The following ASCC1 variants were observed in gnomAD, a reference collection of about 807,000 sequenced individuals.
The protein encoded by ASCC1 is activating signal cointegrator 1 complex subunit 1, also known as ASC-1 complex subunit P50.
In ASCC1, 35 loss-of-function variants were observed where a neutral mutation model predicts 46.6. The ratio of observed to expected loss-of-function variants is 0.75; its 90% CI spans 0.57 to 0.99. ASCC1 has a LOEUF of 0.99. ASCC1 is among the 50% of genes least tolerant of loss of function. The pLI, the probability that ASCC1 is intolerant of heterozygous loss-of-function variation, is 0.00. For missense variants in ASCC1, 376 were observed against 428.7 expected (o/e 0.88, Z 1.09); for synonymous variants, 143 against 146.6 (o/e 0.98, Z 0.18).
rs181606229 is a variant in ASCC1 at position 72,159,987 on chromosome 10, C to A, written c.626+1551G>T. 8.7e-3 allele frequency among the ~76,000 whole-genome samples: 1,311 copies of A among 150,786 alleles called. 16 individuals are homozygous for A. Among genetic ancestry groups the A allele is most frequent in the African/African-American group, 0.03 (1,243 of 40,882 alleles). On this transcript the variant is annotated intron_variant, in intron 6 of 9. Transcript: ENST00000672957. The stretch of plus-strand genomic sequence containing the variant: ...TGGCGCAATCTCGGCTCACTGCAAG[C>A]TCCGCCTCCCGGGTTCACGCCATTC...
intron 5 of ASCC1, among the ~76,000 whole-genome samples, chr10:72,184,847 G>T (rs947810972): frequency 2.0e-5 from 3 of 149,194 alleles, no homozygotes; most frequent in African/African-American, 7.4e-5. Context: ...TTTTAAATAA[G>T]CAATATCACG....
chr10:72,195,628 C>T (rs1422579462), intron 5 of ASCC1, among the ~76,000 whole-genome samples: 3 of 148,618 alleles, frequency 2.0e-5, no homozygotes, highest in Admixed American at 6.7e-5. Flanking sequence ...GTCAGGAGTT[C>T]GAGACTGACC....
intron 5 of ASCC1, among the ~76,000 whole-genome samples, chr10:72,181,170 T>C (rs1246541687): frequency 6.6e-6 from 1 of 152,170 alleles, no homozygotes; most frequent in Non-Finnish European, 1.5e-5. Flanking sequence ...TTTACCACGT[T>C]GGCCAGGATG....
At chr10:72,109,863 A>C (rs968403851) in intron 9 of ASCC1, among the ~76,000 whole-genome samples, 9 of 152,198 alleles carry the variant, frequency 5.9e-5, no homozygotes, top group African/African-American at 2.2e-4. Flanking sequence ...ACCCACACCT[A>C]ATCTCCGCCT....
intron 5 of ASCC1, among the ~76,000 whole-genome samples, chr10:72,188,050 CTT>C (rs1430885547): frequency 6.6e-6 from 1 of 150,648 alleles, no homozygotes; most frequent in Admixed American, 6.6e-5. Context: ...ACATAGCCCT[CTT>C]CATAAATAAG....
chr10:72,120,090 T>C (rs1336187520), intron 9 of ASCC1, among the ~76,000 whole-genome samples: 1 of 151,994 alleles, frequency 6.6e-6, no homozygotes, highest in African/African-American at 2.4e-5. Context: ...TAGCCAGATA[T>C]GATGGCGGGT....
intron 5 of ASCC1, chr10:72,190,684 A>C: frequency 1.5e-6 from 1 of 652,224 alleles, no homozygotes; most frequent in Non-Finnish European, 2.6e-6. Context: ...TATTTAATGA[A>C]TGCTTTGTCA....
chr10:72,107,953 C>T (rs1048228516), intron 9 of ASCC1, among the ~76,000 whole-genome samples: 1 of 152,024 alleles, frequency 6.6e-6, no homozygotes, highest in Non-Finnish European at 1.5e-5. Flanking sequence ...AGATCCCTTC[C>T]CTTTTAACTG....
chr10:72,176,825 A>T (rs1277368616), intron 5 of ASCC1, among the ~76,000 whole-genome samples: 1 of 151,952 alleles, frequency 6.6e-6, no homozygotes, highest in East Asian at 1.9e-4. Flanking sequence ...CTCACAAGTG[A>T]CATTTCCTCT....
chr10:72,118,292 G>A (rs916715521), intron 9 of ASCC1, among the ~76,000 whole-genome samples: 3 of 151,638 alleles, frequency 2.0e-5, no homozygotes, highest in Non-Finnish European at 4.4e-5. Context: ...GCGTGAACCC[G>A]GGAGGCAGAG....
chr10:72,123,772 G>A (rs1844512786), intron 9 of ASCC1, among the ~76,000 whole-genome samples: 1 of 152,116 alleles, frequency 6.6e-6, no homozygotes, highest in South Asian at 2.1e-4. Context: ...GAAGTTAATT[G>A]TGCTTTCGTT....
intron 5 of ASCC1, among the ~76,000 whole-genome samples, chr10:72,190,974 C>T (rs1425659418): frequency 8.4e-5 from 10 of 118,680 alleles, no homozygotes; most frequent in African/African-American, 1.8e-4. Flanking sequence ...CCAGCCTTGG[C>T]GACAGAGCGA....
At chr10:72,178,101 C>A (rs1432571013) in intron 5 of ASCC1, among the ~76,000 whole-genome samples, 1 of 152,130 alleles carries the variant, frequency 6.6e-6, no homozygotes, top group Non-Finnish European at 1.5e-5. Context: ...AAGAGGCTGA[C>A]TGTTTTAAAG....
intron 6 of ASCC1, among the ~76,000 whole-genome samples, chr10:72,155,903 T>C (rs972942101): frequency 1.3e-5 from 2 of 152,228 alleles, no homozygotes; most frequent in East Asian, 1.9e-4. Context: ...CCATGACTTA[T>C]ACAAAATGGG....
At chr10:72,130,464 C>G (rs1322312993) in intron 8 of ASCC1, among the ~76,000 whole-genome samples, 1 of 152,164 alleles carries the variant, frequency 6.6e-6, no homozygotes, top group Non-Finnish European at 1.5e-5. Flanking sequence ...ACACAACACT[C>G]TCTTATATAA....
chr10:72,193,766 G>C (rs1489077913), intron 5 of ASCC1, among the ~76,000 whole-genome samples: 1 of 151,672 alleles, frequency 6.6e-6, no homozygotes, highest in Non-Finnish European at 1.5e-5. Context: ...AAAAGTTAAA[G>C]TCTTACCTCT....
intron 5 of ASCC1, among the ~76,000 whole-genome samples, chr10:72,189,362 C>T (rs1338935705): frequency 1.3e-5 from 2 of 151,418 alleles, no homozygotes; most frequent in Admixed American, 1.3e-4. Context: ...AAGCAGAGAT[C>T]GAGCCACTGC....
intron 9 of ASCC1, among the ~76,000 whole-genome samples, chr10:72,117,755 G>A (rs759066399): frequency 7.2e-5 from 11 of 152,138 alleles, no homozygotes; most frequent in Non-Finnish European, 1.5e-4. Flanking sequence ...ATATATAAAA[G>A]CTATTACAAA....
At chr10:72,189,960 T>C in intron 5 of ASCC1, 1 of 749,900 alleles carries the variant, frequency 1.3e-6, no homozygotes, top group East Asian at 2.5e-5. Flanking sequence ...CACAAGTATA[T>C]CCAGGAGCTA....
Sources: gnomAD v4.1 joint callset for allele counts (sites outside exome capture counted in the v4.1 genomes callset) on GRCh38, gnomAD v4.1.1 for gene constraint, MANE v1.5 for transcripts, NCBI Gene and HGNC (gene_info 2026-07-23, HGNC 2026-07-21) for gene names.